Variants in CHD9 observed in about 807,000 individuals in gnomAD.
CHD9 encodes the protein chromodomain helicase DNA binding protein 9.
Under a neutral mutation model 316.1 loss-of-function variants are expected in CHD9, and 77 were observed. That is an observed-to-expected ratio of 0.24 (90% CI 0.20 to 0.29). The LOEUF (loss-of-function observed/expected upper bound fraction) is 0.29, where lower values mean the gene tolerates loss of function less well. Ranked by LOEUF, CHD9 falls within the 10% of genes least tolerant of loss-of-function variation. CHD9 has a pLI of 1.00. For missense variants in CHD9, 2,763 were observed against 3,438.1 expected, an observed-to-expected ratio of 0.80 and a Z score of 4.91; for synonymous variants, 1,129 against 1,158.3, an observed-to-expected ratio of 0.97 and a Z score of 0.51.
Position 53,303,752 on chromosome 16 carries a change from A to G in CHD9, c.5746A>G (p.Ile1916Val), listed in dbSNP as rs2055666081. 2 of 1,612,140 alleles carry G rather than the reference A, an allele frequency of 1.2e-6. No individual in the cohort carries two copies. Among genetic ancestry groups the G allele is most frequent in the Non-Finnish European group, 8.5e-7 (1 of 1,178,848 alleles). The change falls in exon 31 of 39, where the codon ATC becomes GTC. Residue 1916 changes from isoleucine (I) to valine (V), a missense_variant. Ile to Val is a conservative substitution (Grantham distance 29, BLOSUM62 3). Around this residue, in one of 15 missense-constraint regions of CHD9, gnomAD observed 663 missense variants for 751.2 expected, o/e 0.88. Coordinates refer to ENST00000447540, the MANE Select transcript of CHD9 (RefSeq NM_001308319.2). ...LVDPNIFIQP[I>V]TEERASRTLY... is the part of the protein sequence containing the mutation. ...GGATCCAAATATTTTTATCCAGCCC[A>G]TCACAGAAGAACGTGCTTCTAGGAC...
intron 24 of CHD9, among the ~76,000 whole-genome samples, chr16:53,276,278 G>A (rs1035126492): frequency 6.6e-6 from 1 of 152,166 alleles, no homozygotes; most frequent in African/African-American, 2.4e-5. Context: ...CACCTAAGTA[G>A]CTGAACATTT....
At chr16:53,145,026 G>A (rs535275637) in intron 1 of CHD9, among the ~76,000 whole-genome samples, 10 of 150,952 alleles carry the variant, frequency 6.6e-5, no homozygotes, top group Admixed American at 2.0e-4. Context: ...ATTTAGGATT[G>A]TAAGTAATGA....
chr16:53,227,383 C>T lies in CHD9; in HGVS notation c.2044-13C>T. On this transcript the variant is annotated splice_polypyrimidine_tract_variant and intron_variant, in intron 5 of 38. Coordinates refer to ENST00000447540, the MANE Select transcript of CHD9 (RefSeq NM_001308319.2). ...AATGTGTTCTGTCATTATTTCTTTC[C>T]TCCCTCCCATAGGAGAATCCGAGTG... 6.5e-7 allele frequency: 1 copy of T among 1,531,782 alleles called. No individual in the cohort carries two copies. Among genetic ancestry groups the T allele is most frequent in the Non-Finnish European group, 8.9e-7 (1 of 1,129,138 alleles). The allele number at this position is 1,531,782 out of a possible 1,614,324, so 94.9% of individuals were successfully genotyped here. A position where few individuals can be genotyped will look rare whatever the true frequency, so the allele number is the denominator to read the frequency against.
chr16:53,134,334 G>T (rs1416524344), intron 1 of CHD9, among the ~76,000 whole-genome samples: 1 of 152,146 alleles, frequency 6.6e-6, no homozygotes, highest in South Asian at 2.1e-4. Flanking sequence ...TCTTAACGTG[G>T]GATATAGATT....
intron 24 of CHD9, 46 bp downstream of exon 24, chr16:53,274,348 C>A: frequency 7.9e-7 from 1 of 1,260,300 alleles, no homozygotes; most frequent in Non-Finnish European, 1.1e-6. Context: ...GTTGTCTTGC[C>A]CAGGCAGCTT....
intron 36 of CHD9, 131 bp from the exon 37 acceptor site, chr16:53,318,081 T>A (rs981932415): frequency 1.5e-6 from 1 of 664,918 alleles, no homozygotes; most frequent in African/African-American, 1.9e-5. Flanking sequence ...TAAAAAAGTT[T>A]AGATATTTTT....
At chr16:53,083,357 A>G (rs2152538838) in intron 1 of CHD9, among the ~76,000 whole-genome samples, 1 of 152,262 alleles carries the variant, frequency 6.6e-6, no homozygotes, top group East Asian at 1.9e-4. Flanking sequence ...CCTTCCACTC[A>G]TCTTTCTCAT....
intron 10 of CHD9, among the ~76,000 whole-genome samples, chr16:53,232,015 G>A (rs781625191): frequency 2.6e-5 from 4 of 152,148 alleles, no homozygotes; most frequent in Non-Finnish European, 5.9e-5. Flanking sequence ...GATAAACATG[G>A]AGATGTGAAG....
chr16:53,302,622 C>G (rs1395344828), intron 30 of CHD9, among the ~76,000 whole-genome samples: 4 of 152,160 alleles, frequency 2.6e-5, no homozygotes, highest in Non-Finnish European at 4.4e-5. Flanking sequence ...GATACTAAAT[C>G]TTGTCTACAA....
rs1050328036 is a variant in CHD9 at position 53,130,546 on chromosome 16, G to A, written c.-164-25380G>A. The stretch of plus-strand genomic sequence containing the variant: ...CGGCCTGACGTGGCGGCCGCGGCGG[G>A]GCTGCCGGGGGAGCCCGGACCACTG... On this transcript the variant is annotated intron_variant, in intron 1 of 38. Transcript: ENST00000447540. Among the ~76,000 whole-genome samples the A allele has an allele frequency of 4.0e-3, 602 of 149,568 alleles. 3 individuals are homozygous for A. Among genetic ancestry groups the A allele is most frequent in the Non-Finnish European group, 6.9e-3 (459 of 66,934 alleles).
intron 31 of CHD9, 34 bp downstream of exon 31, chr16:53,304,659 A>T (rs1326262013): frequency 7.0e-7 from 1 of 1,419,586 alleles, no homozygotes; most frequent in Non-Finnish European, 9.3e-7. Context: ...CTTTTTTAAC[A>T]TAACTTTTCT....
At chr16:53,067,997 T>G (rs997352174) in intron 1 of CHD9, among the ~76,000 whole-genome samples, 5 of 152,198 alleles carry the variant, frequency 3.3e-5, no homozygotes, top group African/African-American at 9.6e-5. Context: ...AGGTCAAGTC[T>G]GCAGTGAGCT....
At chr16:53,238,238 A>G (rs1180296659) in intron 11 of CHD9, 105 bp from the exon 12 acceptor site, 5 of 1,087,282 alleles carry the variant, frequency 4.6e-6, no homozygotes, top group Non-Finnish European at 2.5e-6. Flanking sequence ...ACATTTTTAT[A>G]AATGCAACTA....
At position 53,306,280 on chromosome 16, in the gene CHD9, G is replaced by A. The variant is rs142745121; in HGVS notation, c.6663G>A (p.Ala2221=). The part of the protein sequence containing the change: ...HMKAYDEESV[A]SLSTTQDETQ... ...AAGCCTATGATGAAGAAAGCGTCGC[G>A]TCACTGAGCACTACCCAGGATGAGA... The change falls in exon 32 of 39, where the codon GCG becomes GCA. Residue 2221 remains alanine, a synonymous_variant. Coordinates refer to ENST00000447540, the MANE Select transcript of CHD9 (RefSeq NM_001308319.2). 1,010 of 1,597,928 alleles carry A rather than the reference G, an allele frequency of 6.3e-4. 6 individuals are homozygous for A. In the East Asian group the frequency reaches 9.6e-3, roughly 15 times the overall value.
intron 1 of CHD9, among the ~76,000 whole-genome samples, chr16:53,056,629 C>T (rs1242003471): frequency 1.3e-5 from 2 of 152,230 alleles, no homozygotes; most frequent in Non-Finnish European, 2.9e-5. Context: ...ACCAGGACAG[C>T]GTGCACGGGG....
chr16:53,295,055 A>G (rs1225514369), intron 29 of CHD9, among the ~76,000 whole-genome samples: 1 of 152,100 alleles, frequency 6.6e-6, no homozygotes, highest in African/African-American at 2.4e-5. Context: ...ATCACCTGGA[A>G]CACCCTTTCT....
In CHD9 at chr16:53,090,263, G is replaced by T. The variant is rs552855944; in HGVS notation, c.-165+35186G>T. Reference sequence around the variant, plus strand: ...AAGCTAGCATGGAGGTTGCAGCTGAGTGTGAGAACAAAATGAGCTTCCTGA... The same window carrying T: ...AAGCTAGCATGGAGGTTGCAGCTGATTGTGAGAACAAAATGAGCTTCCTGA... On this transcript the variant is annotated intron_variant, in intron 1 of 38. Transcript: ENST00000447540. 4.6e-5 allele frequency among the ~76,000 whole-genome samples: 7 copies of T among 152,314 alleles called. No homozygotes were observed. In the South Asian group the frequency reaches 1.0e-3, roughly 23 times the overall value.
intron 22 of CHD9, among the ~76,000 whole-genome samples, chr16:53,271,546 C>A (rs1052222761): frequency 2.0e-5 from 3 of 149,176 alleles, no homozygotes; most frequent in Admixed American, 6.7e-5. Context: ...TCCAGCCTGG[C>A]TGACAGAGCG....
rs761772760 is a variant in CHD9, at chr16:53,156,549, A to G, written c.460A>G (p.Lys154Glu). Residue 154 changes from lysine to glutamate, a missense_variant, in exon 2 of 39, where the codon AAA (lysine) becomes GAA (glutamate). Lys to Glu is a moderately conservative substitution (Grantham distance 56). This residue lies in a region of CHD9 where 859 missense variants were observed against 890.4 expected (regional missense o/e 0.96). Transcript: ENST00000447540. ...ACATTCACACTCTATGCATCAAAAT[A>G]AAAGCTTTGTGGCACACCATGACTT... ...QGHSHSMHQN[K>E]SFVAHHDFAL... is the part of the protein sequence containing the mutation. The G allele has an allele frequency of 6.2e-7, 1 of 1,614,012 alleles. No individual in the cohort carries two copies. Among genetic ancestry groups the G allele is most frequent in the Non-Finnish European group, 8.5e-7 (1 of 1,179,890 alleles).
Sources: gnomAD v4.1 joint callset for allele counts (sites outside exome capture counted in the v4.1 genomes callset) on GRCh38, gnomAD v4.1.1 for gene constraint, gnomAD v4.1.1 regional missense constraint, MANE v1.5 for transcripts, NCBI Gene and HGNC (gene_info 2026-07-23, HGNC 2026-07-21) for gene names.